Variants in CNTN5 observed in about 807,000 individuals in gnomAD.
The protein encoded by CNTN5 is contactin 5, also known as contactin-5.
In CNTN5, 77 loss-of-function variants were observed where a neutral mutation model predicts 129.1. The observed-to-expected ratio is 0.60, with a 90% CI of 0.50 to 0.72. CNTN5 has a LOEUF of 0.72. Ranked by LOEUF, CNTN5 falls within the 30% of genes least tolerant of loss-of-function variation. CNTN5 has a pLI of 0.00. For missense variants in CNTN5, 1,478 were observed against 1,328.8 expected (o/e 1.11, Z -1.75); for synonymous variants, 509 against 465.6 (o/e 1.09, Z -1.20).
rs78193102 is a variant in CNTN5 at position 99,597,417 on chromosome 11, C to T, written c.55+41148C>T. Among the ~76,000 whole-genome samples, 659 of 152,160 alleles carry T rather than the reference C, an allele frequency of 4.3e-3. 28 individuals are homozygous for T. In the East Asian group the frequency reaches 0.099, roughly 23 times the overall value. Reference sequence around the variant, plus strand: ...AAGCTATTTTGAATTCTTCTCCTTCCTATTGCACGTTCTAAACTCCCAAAA... The same window carrying T: ...AAGCTATTTTGAATTCTTCTCCTTCTTATTGCACGTTCTAAACTCCCAAAA... On this transcript the variant is annotated intron_variant, in intron 3 of 24. Coordinates refer to ENST00000524871, the MANE Select transcript of CNTN5 (RefSeq NM_014361.4).
At chr11:100,055,210 C>T (rs143339591) in intron 9 of CNTN5, among the ~76,000 whole-genome samples, 20 of 151,638 alleles carry the variant, frequency 1.3e-4, no homozygotes, top group African/African-American at 4.3e-4. Context: ...TTTCTAAAGT[C>T]AGAAGCTCAT....
At chr11:100,014,706 G>T (rs1252219215) in intron 9 of CNTN5, among the ~76,000 whole-genome samples, 1 of 152,114 alleles carries the variant, frequency 6.6e-6, no homozygotes, top group Non-Finnish European at 1.5e-5. Context: ...CTGTTTGGTT[G>T]TCTATTGTTC....
At chr11:99,338,438 A>C (rs1028521325) in intron 2 of CNTN5, among the ~76,000 whole-genome samples, 1 of 152,188 alleles carries the variant, frequency 6.6e-6, no homozygotes, top group African/African-American at 2.4e-5. Flanking sequence ...GGGGGTTGGA[A>C]CAGAATGAGG....
At chr11:100,141,827 A>G (rs1029501491) in intron 13 of CNTN5, among the ~76,000 whole-genome samples, 2 of 152,046 alleles carry the variant, frequency 1.3e-5, no homozygotes, top group Admixed American at 1.3e-4. Context: ...TGTCAATTTG[A>G]CTGGATTAAA....
At chr11:99,906,270 G>A (rs1258941748) in intron 6 of CNTN5, among the ~76,000 whole-genome samples, 2 of 152,022 alleles carry the variant, frequency 1.3e-5, no homozygotes, top group Admixed American at 6.6e-5. Flanking sequence ...CTGGCTGTGG[G>A]TTTTTCATAA....
intron 3 of CNTN5, among the ~76,000 whole-genome samples, chr11:99,756,536 C>T (rs1343511139): frequency 2.0e-5 from 3 of 152,040 alleles, no homozygotes; most frequent in African/African-American, 7.2e-5. Flanking sequence ...TGTGACTTTT[C>T]CCTGCTAAGA....
chr11:99,718,741 T>C (rs1943069160), intron 3 of CNTN5, among the ~76,000 whole-genome samples: 1 of 152,130 alleles, frequency 6.6e-6, no homozygotes, highest in Non-Finnish European at 1.5e-5. Flanking sequence ...CATCTTACTA[T>C]GTACCAAACA....
chr11:99,833,879 C>T lies in CNTN5; in HGVS notation c.278-10973C>T, dbSNP rs559848926. Among the ~76,000 whole-genome samples the T allele has an allele frequency of 1.3e-4, 20 of 152,214 alleles. 1 individual carries two copies. The South Asian group carries it at 3.5e-3, about 27-fold the overall frequency. On this transcript the variant is annotated intron_variant, in intron 4 of 24. Coordinates refer to ENST00000524871, the MANE Select transcript of CNTN5 (RefSeq NM_014361.4). ...CCAGTTGCTGTGTCGCTTCCTTCTT[C>T]GTGTTTCAGACATTTGTGGGGGTAG...
intron 6 of CNTN5, among the ~76,000 whole-genome samples, chr11:99,877,681 CT>C (rs1267455806): frequency 1.3e-5 from 2 of 151,912 alleles, no homozygotes; most frequent in African/African-American, 4.8e-5. Context: ...GTCTTAATTG[CT>C]TAAAATTACA....
intron 3 of CNTN5, among the ~76,000 whole-genome samples, chr11:99,661,581 C>T (rs684987): frequency 0.61 from 92,465 of 151,774 alleles, 29,091 homozygotes; most frequent in Admixed American, 0.69. Flanking sequence ...CATTTGTTTG[C>T]ATAACAACCA....
At chr11:99,822,106 G>A (rs569000781) in intron 4 of CNTN5, among the ~76,000 whole-genome samples, 1 of 152,106 alleles carries the variant, frequency 6.6e-6, no homozygotes, top group South Asian at 2.1e-4. Flanking sequence ...ATGCTCTTAC[G>A]AAAAATGAGA....
chr11:99,831,603 A>T (rs1291813329), intron 4 of CNTN5, among the ~76,000 whole-genome samples: 1 of 151,690 alleles, frequency 6.6e-6, no homozygotes, highest in Non-Finnish European at 1.5e-5. Context: ...GCAGACTGCC[A>T]GTGACCATAA....
At position 99,445,074 on chromosome 11, in the gene CNTN5, A is replaced by G. The variant is rs145988163; in HGVS notation, c.-70-111071A>G. ...TATACATTTATATATTTATATATAC[A>G]CAATTATATTTATATTTGTATATTT... On this transcript the variant is annotated intron_variant, in intron 2 of 24. Transcript: ENST00000524871. Among the ~76,000 whole-genome samples, 1,068 of 148,378 alleles carry G rather than the reference A, an allele frequency of 7.2e-3. 22 individuals carry two copies. Among genetic ancestry groups the G allele is most frequent in the African/African-American group, 0.024 (996 of 40,902 alleles).
Position 99,785,022 on chromosome 11 carries a change from A to G in CNTN5, c.56-34522A>G, listed in dbSNP as rs183640332. 1.3e-3 allele frequency among the ~76,000 whole-genome samples: 197 copies of G among 147,594 alleles called. 3 individuals carry two copies. Among genetic ancestry groups the G allele is most frequent in the East Asian group, 6.8e-3 (34 of 5,002 alleles). On this transcript the variant is annotated intron_variant, in intron 3 of 24. Coordinates refer to ENST00000524871, the MANE Select transcript of CNTN5 (RefSeq NM_014361.4). Reference sequence around the variant, plus strand: ...CACCATGTTAGCCAGGATGATCTCTATCTCCTGACCTCGTGATCCGCCTGC... The same window carrying G: ...CACCATGTTAGCCAGGATGATCTCTGTCTCCTGACCTCGTGATCCGCCTGC...
rs374248862 is a variant in CNTN5 at position 100,007,572 on chromosome 11, A to G, written c.980+5436A>G. Among the ~76,000 whole-genome samples the G allele has an allele frequency of 2.4e-4, 37 of 152,168 alleles. No individual in the cohort carries two copies. In the East Asian group the frequency reaches 3.7e-3, roughly 15 times the overall value. On this transcript the variant is annotated intron_variant, in intron 9 of 24. Coordinates refer to ENST00000524871, the MANE Select transcript of CNTN5 (RefSeq NM_014361.4). The stretch of plus-strand genomic sequence containing the variant: ...TATAAACCAGCCTCTGCTAGGTTCA[A>G]ACTTTTCTCTTGCAGCTTCCTCACC...
chr11:100,128,710 C>A (rs529057917), intron 13 of CNTN5, among the ~76,000 whole-genome samples: 2 of 152,010 alleles, frequency 1.3e-5, no homozygotes, highest in Admixed American at 6.6e-5. Flanking sequence ...CTTGAATGGG[C>A]GAGGAAGCTA....
At position 99,790,680 on chromosome 11, in the gene CNTN5, A is replaced by G. The variant is rs1051220800; in HGVS notation, c.56-28864A>G. Among the ~76,000 whole-genome samples the G allele has an allele frequency of 1.3e-5, 2 of 152,114 alleles. 1 individual carries two copies. The highest frequency in any genetic ancestry group is 2.9e-5 in the Non-Finnish European group (2 of 67,970). ...TAGAATGATTTAGATTCCCTGGAGT[A>G]TATACCCAATAATGGGATTTCTAGG... On this transcript the variant is annotated intron_variant, in intron 3 of 24. Transcript: ENST00000524871.
At chr11:99,475,438 A>G (rs1444481449) in intron 2 of CNTN5, among the ~76,000 whole-genome samples, 2 of 152,190 alleles carry the variant, frequency 1.3e-5, no homozygotes, top group Non-Finnish European at 2.9e-5. Flanking sequence ...GAAAACTACC[A>G]ACATAGGCCA....
At chr11:100,306,185 G>C (rs1156877985) in intron 20 of CNTN5, among the ~76,000 whole-genome samples, 1 of 151,612 alleles carries the variant, frequency 6.6e-6, no homozygotes, top group Non-Finnish European at 1.5e-5. Context: ...TGTAGGTGTG[G>C]TATGACCCTG....
Sources: allele counts gnomAD v4.1 joint callset (sites outside exome capture counted in the v4.1 genomes callset), GRCh38; gene constraint gnomAD v4.1.1; transcripts MANE v1.5; gene names NCBI Gene and HGNC (gene_info 2026-07-23, HGNC 2026-07-21).